Variants in CNTNAP5 observed in about 807,000 individuals in gnomAD.
CNTNAP5 encodes the protein contactin-associated protein-like 5.
Under a neutral mutation model 150.2 loss-of-function variants are expected in CNTNAP5, and 72 were observed. The ratio of observed to expected loss-of-function variants is 0.48; its 90% CI spans 0.40 to 0.58. CNTNAP5 has a LOEUF of 0.58. Ranked by LOEUF, CNTNAP5 falls within the 20% of genes least tolerant of loss-of-function variation. The probability of loss-of-function intolerance (pLI) is 0.00; values close to 1 mark genes in which losing one functional copy is unlikely to be tolerated. For missense variants in CNTNAP5, 1,636 were observed against 1,626.2 expected (o/e 1.01, Z -0.10); for synonymous variants, 672 against 619.8 (o/e 1.08, Z -1.25).
chr2:124,841,141 G>GA (rs1235006465), intron 19 of CNTNAP5, among the ~76,000 whole-genome samples: 1 of 151,954 alleles, frequency 6.6e-6, no homozygotes, highest in African/African-American at 2.4e-5. Context: ...GACATCATTG[G>GA]AAAATGTATC....
chr2:124,359,044 T>C (rs1178382544), intron 3 of CNTNAP5, among the ~76,000 whole-genome samples: 1 of 150,960 alleles, frequency 6.6e-6, no homozygotes, highest in Admixed American at 6.6e-5. Context: ...AGAGTGTATG[T>C]GTCCAGGAAT....
At chr2:124,718,137 C>T (rs1679980935) in intron 13 of CNTNAP5, among the ~76,000 whole-genome samples, 1 of 152,194 alleles carries the variant, frequency 6.6e-6, no homozygotes, top group African/African-American at 2.4e-5. Context: ...ATTTTGCCTA[C>T]ATGTCCAACT....
chr2:124,473,661 A>T (rs76089041), intron 6 of CNTNAP5, among the ~76,000 whole-genome samples: 2 of 152,086 alleles, frequency 1.3e-5, no homozygotes, highest in African/African-American at 4.8e-5. Context: ...AAAGATGGAG[A>T]AGTATCCAAA....
chr2:124,599,041 T>C (rs1024545267), intron 11 of CNTNAP5, among the ~76,000 whole-genome samples: 5 of 152,080 alleles, frequency 3.3e-5, no homozygotes, highest in African/African-American at 4.8e-5. Context: ...GCGCCCACTG[T>C]CTGGCACTCC....
At chr2:124,674,863 G>A (rs144289311) in intron 13 of CNTNAP5, among the ~76,000 whole-genome samples, 3,870 of 151,704 alleles carry the variant, frequency 0.026, 52 homozygotes, top group Non-Finnish European at 0.041. Context: ...GATTTTAATC[G>A]TTATAAATTC....
intron 14 of CNTNAP5, among the ~76,000 whole-genome samples, chr2:124,759,264 A>T (rs1680905181): frequency 6.6e-6 from 1 of 151,032 alleles, no homozygotes; most frequent in Non-Finnish European, 1.5e-5. Flanking sequence ...AATAGTTTTG[A>T]CTTTTAATCT....
intron 14 of CNTNAP5, among the ~76,000 whole-genome samples, chr2:124,758,923 C>A (rs935538920): frequency 6.6e-6 from 1 of 152,082 alleles, no homozygotes; most frequent in Non-Finnish European, 1.5e-5. Flanking sequence ...TTTGCAGATA[C>A]CTTTGCTAGA....
rs748969220 is a variant in CNTNAP5, at chr2:124,527,408, T to C, written c.1601T>C (p.Leu534Pro). The change falls in exon 10 of 24, where the codon CTG becomes CCG. Residue 534 changes from leucine (L) to proline (P), a missense_variant. By Grantham distance (98) the Leu-to-Pro change is moderately conservative (BLOSUM62 -3). Coordinates refer to ENST00000682447, the MANE Select transcript of CNTNAP5 (RefSeq NM_001367498.1). ...CTCATTTCAGTTCAGCAAGGTTCCC[T>C]GGGGAATTTTAGTGATTTACACATT... ...KDLISVQQGS[L>P]GNFSDLHIDL... The C allele has an allele frequency of 1.7e-5, 27 of 1,613,814 alleles. No homozygotes were observed. The highest frequency in any genetic ancestry group is 2.3e-5 in the Non-Finnish European group (27 of 1,179,736).
chr2:124,843,415 A>G (rs545997276), intron 19 of CNTNAP5, among the ~76,000 whole-genome samples: 2 of 151,176 alleles, frequency 1.3e-5, no homozygotes, highest in East Asian at 3.9e-4. Flanking sequence ...CCACTCGTTG[A>G]TTGATGAGCA....
intron 1 of CNTNAP5, among the ~76,000 whole-genome samples, chr2:124,042,870 A>G (rs754530351): frequency 1.3e-5 from 2 of 152,068 alleles, no homozygotes; most frequent in African/African-American, 2.4e-5. Context: ...AAAGGTGCCG[A>G]AGTTGCCTAT....
intron 11 of CNTNAP5, among the ~76,000 whole-genome samples, chr2:124,608,219 C>T (rs944953501): frequency 1.1e-4 from 16 of 152,208 alleles, no homozygotes; most frequent in African/African-American, 3.9e-4. Flanking sequence ...ATGTTTAAAG[C>T]ATCATAGGGT....
chr2:124,548,743 A>G (rs960687966), intron 10 of CNTNAP5, among the ~76,000 whole-genome samples: 1 of 152,226 alleles, frequency 6.6e-6, no homozygotes, highest in Non-Finnish European at 1.5e-5. Context: ...AAGAGTTCAC[A>G]GTTACTTACA....
At chr2:124,818,577 C>T (rs1448044930) in intron 19 of CNTNAP5, among the ~76,000 whole-genome samples, 1 of 152,134 alleles carries the variant, frequency 6.6e-6, no homozygotes, top group Non-Finnish European at 1.5e-5. Context: ...ATTATCCCTT[C>T]ACTTATAGCT....
chr2:124,870,502 A>G (rs1677722504), intron 21 of CNTNAP5, among the ~76,000 whole-genome samples: 1 of 151,832 alleles, frequency 6.6e-6, no homozygotes, highest in African/African-American at 2.4e-5. Flanking sequence ...TTTTTTTATA[A>G]TGGCAAATGT....
chr2:124,375,599 A>G (rs1690627434), intron 3 of CNTNAP5, among the ~76,000 whole-genome samples: 1 of 152,136 alleles, frequency 6.6e-6, no homozygotes, highest in Non-Finnish European at 1.5e-5. Context: ...ACAGCAATGG[A>G]GAAACTGATA....
chr2:124,759,938 CTTTTTTTTTTTTTTTTT>C (rs571408475), intron 14 of CNTNAP5, among the ~76,000 whole-genome samples: 99 of 83,650 alleles, frequency 1.2e-3, no homozygotes, highest in African/African-American at 4.3e-3. Context: ...ACTCCTCGGT[CTTTTTTTTTTTTTTTTT>C]TTTTTTTTTT....
chr2:124,678,694 T>C (rs1341810403), intron 13 of CNTNAP5, among the ~76,000 whole-genome samples: 1 of 151,856 alleles, frequency 6.6e-6, no homozygotes, highest in African/African-American at 2.4e-5. Context: ...AGGAAAGGAA[T>C]GCACCATTTT....
At chr2:124,829,121 A>G (rs962497874) in intron 19 of CNTNAP5, among the ~76,000 whole-genome samples, 5 of 152,166 alleles carry the variant, frequency 3.3e-5, no homozygotes, top group Admixed American at 6.5e-5. Context: ...TGACTCGGGC[A>G]AGAGATGTGG....
chr2:124,322,985 T>A (rs1271630930), intron 3 of CNTNAP5, among the ~76,000 whole-genome samples: 1 of 152,230 alleles, frequency 6.6e-6, no homozygotes, highest in East Asian at 1.9e-4. Context: ...CAGTGCATAG[T>A]CTTCTAAAGT....
Sources: allele counts gnomAD v4.1 joint callset (sites outside exome capture counted in the v4.1 genomes callset), GRCh38; gene constraint gnomAD v4.1.1; transcripts MANE v1.5; gene names NCBI Gene and HGNC (gene_info 2026-07-23, HGNC 2026-07-21).